Variants in RSPO2 observed in about 807,000 individuals in gnomAD.
RSPO2 encodes R-spondin 2.
In RSPO2, 14 loss-of-function variants were observed where a neutral mutation model predicts 30.9. The ratio of observed to expected loss-of-function variants is 0.45; its 90% CI spans 0.30 to 0.71. The LOEUF (loss-of-function observed/expected upper bound fraction) is 0.71. Ranked by LOEUF, RSPO2 falls within the 30% of genes least tolerant of loss-of-function variation. RSPO2 has a pLI of 0.08. For missense variants in RSPO2, 264 were observed against 301.9 expected (o/e 0.87, Z 0.93); for synonymous variants, 107 against 96.4 (o/e 1.11, Z -0.64).
chr8:107,963,419 G>A (rs1813694892), intron 3 of RSPO2, among the ~76,000 whole-genome samples: 1 of 150,322 alleles, frequency 6.7e-6, no homozygotes. Context: ...CAGCTACCTG[G>A]GGGCTGAAGC....
chr8:107,979,525 C>T lies in RSPO2; in HGVS notation c.283+9531G>A, dbSNP rs146190531. On this transcript the variant is annotated intron_variant, in intron 3 of 5. Transcript: ENST00000276659. Reference sequence around the variant, plus strand: ...GAAGGGGAACATCACACACTGGGGACTGTTGTGGGGTAGCGGGAAGGGGGA... The same window carrying T: ...GAAGGGGAACATCACACACTGGGGATTGTTGTGGGGTAGCGGGAAGGGGGA... Among the ~76,000 whole-genome samples the T allele has an allele frequency of 2.7e-3, 413 of 152,172 alleles. 1 individual carries two copies. Among genetic ancestry groups the T allele is most frequent in the Middle Eastern group, 0.014 (4 of 294 alleles).
At chr8:107,931,063 A>T (rs1309017767) in intron 5 of RSPO2, among the ~76,000 whole-genome samples, 1 of 152,204 alleles carries the variant, frequency 6.6e-6, no homozygotes, top group Non-Finnish European at 1.5e-5. Flanking sequence ...CTAGTGAAAG[A>T]AGTATAGATT....
intron 5 of RSPO2, among the ~76,000 whole-genome samples, chr8:107,948,886 T>TAAATAAAA (rs1563534377): frequency 4.7e-5 from 7 of 148,714 alleles, no homozygotes; most frequent in Non-Finnish European, 8.9e-5. Context: ...AATAAATAAA[T>TAAATAAAA]AAAAATCTAT....
chr8:108,035,494 G>A lies in RSPO2; in HGVS notation c.95-46250C>T, dbSNP rs1015616025. Among the ~76,000 whole-genome samples, 9 of 151,908 alleles carry A rather than the reference G, an allele frequency of 5.9e-5. No individual in the cohort carries two copies. In the South Asian group the frequency reaches 6.2e-4, roughly 11 times the overall value. On this transcript the variant is annotated intron_variant, in intron 2 of 5. Coordinates refer to ENST00000276659, the MANE Select transcript of RSPO2 (RefSeq NM_178565.5). ...TTTGTTTTTGTTTTTGTTTTGAGAC[G>A]GAGTCTCGCTCTGTTGCGCAGGCTG...
At chr8:107,981,808 G>T (rs1010470547) in intron 3 of RSPO2, among the ~76,000 whole-genome samples, 1 of 151,814 alleles carries the variant, frequency 6.6e-6, no homozygotes, top group Non-Finnish European at 1.5e-5. Flanking sequence ...CAGCCAACAT[G>T]GCAAGACTTC....
chr8:108,057,327 C>A (rs998821346), intron 2 of RSPO2, among the ~76,000 whole-genome samples: 22 of 151,970 alleles, frequency 1.4e-4, no homozygotes, highest in Non-Finnish European at 2.9e-4. Flanking sequence ...GGATAAAATG[C>A]AAAATGTTAA....
At chr8:107,934,936 T>C (rs541123297) in intron 5 of RSPO2, among the ~76,000 whole-genome samples, 1 of 152,308 alleles carries the variant, frequency 6.6e-6, no homozygotes, top group South Asian at 2.1e-4. Flanking sequence ...AGGATGTATG[T>C]TGCCTCAGAA....
In RSPO2 at chr8:107,920,205, C is replaced by T. The variant is rs549593837; in HGVS notation, c.617-19015G>A. On this transcript the variant is annotated intron_variant, in intron 5 of 5. Transcript: ENST00000276659. ...TTTCTTAAGGATGAGACTTTAATTA[C>T]TATGGCTACCACCTAAATACACATT... is the stretch of plus-strand genomic sequence containing the variant. Among the ~76,000 whole-genome samples, 29 of 152,180 alleles carry T rather than the reference C, an allele frequency of 1.9e-4. No individual in the cohort carries two copies. In the South Asian group the frequency reaches 5.4e-3, roughly 28 times the overall value.
intron 2 of RSPO2, among the ~76,000 whole-genome samples, chr8:108,030,815 G>A (rs1231213263): frequency 6.6e-6 from 1 of 152,084 alleles, no homozygotes; most frequent in African/African-American, 2.4e-5. Context: ...TTATGAAATT[G>A]TTCCTTTTCT....
chr8:107,962,167 G>T (rs1225851315), intron 3 of RSPO2, among the ~76,000 whole-genome samples: 1 of 151,908 alleles, frequency 6.6e-6, no homozygotes, highest in Non-Finnish European at 1.5e-5. Context: ...TAAGGATTCA[G>T]AAAAGCTTTA....
At chr8:107,927,119 G>A (rs1421809642) in intron 5 of RSPO2, among the ~76,000 whole-genome samples, 2 of 152,140 alleles carry the variant, frequency 1.3e-5, no homozygotes, top group Non-Finnish European at 2.9e-5. Flanking sequence ...CACATCCCTT[G>A]TAAGTTGGAT....
intron 2 of RSPO2, among the ~76,000 whole-genome samples, chr8:108,050,000 A>G (rs189047162): frequency 4.6e-5 from 7 of 152,278 alleles, no homozygotes; most frequent in African/African-American, 1.7e-4. Context: ...AACTATTTCC[A>G]TCCTGTTTCT....
At chr8:107,983,933 C>T (rs1185462453) in intron 3 of RSPO2, 12 of 1,083,412 alleles carry the variant, frequency 1.1e-5, no homozygotes, top group Admixed American at 6.1e-5. Context: ...TCTTATGGAG[C>T]TCTCTGAGGA....
At chr8:108,074,739 T>C (rs1425588773) in intron 2 of RSPO2, among the ~76,000 whole-genome samples, 1 of 152,220 alleles carries the variant, frequency 6.6e-6, no homozygotes, top group African/African-American at 2.4e-5. Context: ...CAGGAAAACC[T>C]AGTGAATTCA....
At chr8:107,964,856 A>G (rs1349113459) in intron 3 of RSPO2, among the ~76,000 whole-genome samples, 1 of 152,232 alleles carries the variant, frequency 6.6e-6, no homozygotes, top group African/African-American at 2.4e-5. Flanking sequence ...CATTCTCATT[A>G]TAAGTAAAAA....
chr8:107,901,376 C>T (rs1433980608), intron 5 of RSPO2, among the ~76,000 whole-genome samples, 186 bp from the exon 6 acceptor site: 1 of 152,200 alleles, frequency 6.6e-6, no homozygotes, highest in Non-Finnish European at 1.5e-5. Flanking sequence ...ATTAGATATG[C>T]TGTCTAAAAC....
chr8:107,977,136 T>G (rs750403060), intron 3 of RSPO2, among the ~76,000 whole-genome samples: 14 of 152,184 alleles, frequency 9.2e-5, no homozygotes, highest in Non-Finnish European at 1.6e-4. Context: ...TAAACAGGTA[T>G]GTGTGAATGA....
chr8:107,987,731 T>C (rs1814695026), intron 3 of RSPO2, among the ~76,000 whole-genome samples: 1 of 152,128 alleles, frequency 6.6e-6, no homozygotes, highest in Non-Finnish European at 1.5e-5. Flanking sequence ...TGGTTCCTTC[T>C]TTCTAGAATT....
chr8:107,979,469 G>A (rs1386731745), intron 3 of RSPO2, among the ~76,000 whole-genome samples: 3 of 152,052 alleles, frequency 2.0e-5, no homozygotes, highest in Admixed American at 6.6e-5. Context: ...CTCATAGGTG[G>A]GAATTGAACA....
Sources: allele counts gnomAD v4.1 joint callset (sites outside exome capture counted in the v4.1 genomes callset), GRCh38; gene constraint gnomAD v4.1.1; transcripts MANE v1.5; gene names NCBI Gene and HGNC (gene_info 2026-07-23, HGNC 2026-07-21).